Variants in RTRAF observed in about 807,000 individuals in gnomAD.
The protein encoded by RTRAF is tRNA-splicing ligase complex subunit RTRAF.
In RTRAF, 14 loss-of-function variants were observed where a neutral mutation model predicts 34.4. That is an observed-to-expected ratio of 0.41 (90% CI 0.27 to 0.64). RTRAF has a LOEUF of 0.64. RTRAF is among the 30% of genes least tolerant of loss of function. RTRAF has a pLI of 0.34. For synonymous variants in RTRAF, 96 were observed against 95.3 expected, an observed-to-expected ratio of 1.01 and a Z score of -0.04; for missense variants, 291 against 288.4, an observed-to-expected ratio of 1.01 and a Z score of -0.06.
At chr14:51,992,169 T>G (rs1170574695) in intron 2 of RTRAF, among the ~76,000 whole-genome samples, 1 of 152,208 alleles carries the variant, frequency 6.6e-6, no homozygotes, top group East Asian at 1.9e-4. Flanking sequence ...ATTGATTTAG[T>G]TTTAGTAACA....
rs1890919354 is a variant in RTRAF, at chr14:52,009,325, G to C, written c.*4809G>C. 1 of 152,166 alleles carries C rather than the reference G, an allele frequency of 6.6e-6. No individual in the cohort carries two copies. The highest frequency in any genetic ancestry group is 2.4e-5 in the African/African-American group (1 of 41,436). 9.4% of individuals were successfully genotyped at this position (152,166 alleles called of 1,614,324 possible). On this transcript the variant is annotated 3_prime_UTR_variant, in exon 8 of 8. Transcript: ENST00000261700. Reference sequence around the variant, plus strand: ...ATCAACAACAATAAGTCTGAAACAAGCTCACACAGATATTTGGTGTAAATT... The same window carrying C: ...ATCAACAACAATAAGTCTGAAACAACCTCACACAGATATTTGGTGTAAATT...
At chr14:51,997,508 C>A (rs539035325) in intron 3 of RTRAF, among the ~76,000 whole-genome samples, 1 of 151,686 alleles carries the variant, frequency 6.6e-6, no homozygotes, top group South Asian at 2.1e-4. Flanking sequence ...TTATTTTTTC[C>A]TCGTTTCATT....
intron 4 of RTRAF, 53 bp downstream of exon 4, chr14:51,998,633 G>T: frequency 1.6e-6 from 2 of 1,231,598 alleles, no homozygotes; most frequent in Non-Finnish European, 1.1e-6. Context: ...TTTTTTAAAT[G>T]TTTTTTTCTT....
chr14:52,005,515 G>T lies in RTRAF; in HGVS notation c.*999G>T, dbSNP rs780806229. 6.3e-7 allele frequency: 1 copy of T among 1,594,122 alleles called. No homozygotes were observed. Among genetic ancestry groups the T allele is most frequent in the Non-Finnish European group, 8.5e-7 (1 of 1,172,668 alleles). On this transcript the variant is annotated 3_prime_UTR_variant, in exon 8 of 8. Transcript: ENST00000261700. ...TTTCTTCCTGTGAGAGAAGAGCAGG[G>T]GTGGGACAGGGTGGTGGGTGAGTAT...
At chr14:51,990,580 C>G (rs1412609253) in intron 1 of RTRAF, among the ~76,000 whole-genome samples, 1 of 152,168 alleles carries the variant, frequency 6.6e-6, no homozygotes, top group Non-Finnish European at 1.5e-5. Flanking sequence ...AGAAGCATAT[C>G]AAATTATAAT....
rs1190114329 is a variant in RTRAF at position 52,005,946 on chromosome 14, C to G, written c.*1430C>G. 3.5e-6 allele frequency: 3 copies of G among 861,626 alleles called. No individual in the cohort carries two copies. The highest frequency in any genetic ancestry group is 5.8e-6 in the Non-Finnish European group (3 of 519,626). The allele number at this position is 861,626 out of a possible 1,614,324, so 53.4% of individuals were successfully genotyped here. A position where few individuals can be genotyped will look rare whatever the true frequency, so the allele number is the denominator to read the frequency against. ...AATCAGTTGCAATAGAGGAAAATTTCTGGCAGCCTTCTCTGTCCCAGGGCT... is the reference window on the plus strand; with the variant it reads ...AATCAGTTGCAATAGAGGAAAATTTGTGGCAGCCTTCTCTGTCCCAGGGCT... On this transcript the variant is annotated 3_prime_UTR_variant, in exon 8 of 8. Transcript: ENST00000261700.
Position 52,006,531 on chromosome 14 carries a change from G to C in RTRAF, c.*2015G>C. 6.2e-7 allele frequency: 1 copy of C among 1,613,354 alleles called. No homozygotes were observed. The highest frequency in any genetic ancestry group is 2.2e-5 in the East Asian group (1 of 44,854). ...TTCAGGCTTGTCCAGAATTTGTGGGGCTCACCTCCTCCAGTCTGTGTGGTA... is the reference window on the plus strand; with the variant it reads ...TTCAGGCTTGTCCAGAATTTGTGGGCCTCACCTCCTCCAGTCTGTGTGGTA... On this transcript the variant is annotated 3_prime_UTR_variant, in exon 8 of 8. Transcript: ENST00000261700.
rs140379779 is a variant in RTRAF at position 52,006,615 on chromosome 14, C to A, written c.*2099C>A. On this transcript the variant is annotated 3_prime_UTR_variant, in exon 8 of 8. Transcript: ENST00000261700. Reference sequence around the variant, plus strand: ...GTACTTGAGGTTGTTTTGAATGACACGCCGTCCAGTTCCATCAGGTAGTGT... The same window carrying A: ...GTACTTGAGGTTGTTTTGAATGACAAGCCGTCCAGTTCCATCAGGTAGTGT... The A allele has an allele frequency of 1.3e-5, 21 of 1,613,730 alleles. No homozygotes were observed. Among genetic ancestry groups the A allele is most frequent in the African/African-American group, 5.3e-5 (4 of 74,908 alleles).
intron 4 of RTRAF, among the ~76,000 whole-genome samples, chr14:51,998,817 G>T (rs1012627571): frequency 3.3e-5 from 5 of 151,730 alleles, no homozygotes; most frequent in African/African-American, 9.7e-5. Flanking sequence ...TTGGAGTTTT[G>T]ATTTGTATTT....
At chr14:51,989,727 C>T in intron 1 of RTRAF, 27 bp downstream of exon 1, 1 of 1,583,310 alleles carries the variant, frequency 6.3e-7, no homozygotes, top group Non-Finnish European at 8.6e-7. Flanking sequence ...AGCCCGGCCG[C>T]GTGTCCCTGA....
rs1453709326 is a variant in RTRAF, at chr14:52,005,287, T to C, written c.*771T>C. On this transcript the variant is annotated 3_prime_UTR_variant, in exon 8 of 8. Transcript: ENST00000261700. Reference sequence around the variant, plus strand: ...CTTTTTAAACTTGCAATAACAACCTTCATTTTTAAAAATACAGTAGTAAAG... The same window carrying C: ...CTTTTTAAACTTGCAATAACAACCTCCATTTTTAAAAATACAGTAGTAAAG... 2.4e-6 allele frequency: 1 copy of C among 421,644 alleles called. No homozygotes were observed. The highest frequency in any genetic ancestry group is 2.0e-5 in the African/African-American group (1 of 48,922). 26.1% of individuals were successfully genotyped at this position (421,644 alleles called of 1,614,324 possible). A position where few individuals can be genotyped will look rare whatever the true frequency, so the allele number is the denominator to read the frequency against.
intron 2 of RTRAF, 138 bp downstream of exon 2, chr14:51,991,579 C>CT (rs2140326314): frequency 1.9e-6 from 2 of 1,064,624 alleles, no homozygotes; most frequent in South Asian, 3.2e-5. Context: ...AGGGATTTTG[C>CT]TTTTTTCTTA....
rs1890729266 is a variant in RTRAF at position 52,005,418 on chromosome 14, T to TGC, written c.*903_*904dup. On this transcript the variant is annotated 3_prime_UTR_variant, in exon 8 of 8. Coordinates refer to ENST00000261700, the MANE Select transcript of RTRAF (RefSeq NM_016039.3). ...ATTCCTTTTTTACTTTCTTTGCCTT[T>TGC]GCAGTCACTGTTCTTTAGGGTCCAG... 3 of 1,436,616 alleles carry TGC rather than the reference T, an allele frequency of 2.1e-6. No individual in the cohort carries two copies. The highest frequency in any genetic ancestry group is 2.8e-6 in the Non-Finnish European group (3 of 1,073,794). The allele number at this position is 1,436,616 out of a possible 1,614,324, so 89.0% of individuals were successfully genotyped here. A position where few individuals can be genotyped will look rare whatever the true frequency, so the allele number is the denominator to read the frequency against.
chr14:52,006,823 C>T lies in RTRAF; in HGVS notation c.*2307C>T. The T allele has an allele frequency of 3.3e-6, 2 of 603,116 alleles. No homozygotes were observed. Among genetic ancestry groups the T allele is most frequent in the Non-Finnish European group, 5.4e-6 (2 of 367,156 alleles). 37.4% of individuals were successfully genotyped at this position (603,116 alleles called of 1,614,324 possible). The stretch of plus-strand genomic sequence containing the variant: ...AAATTACCTGTCCTATTACTAGTCT[C>T]CAGTTTTTAGTAGAGATTCAAACTT... On this transcript the variant is annotated 3_prime_UTR_variant, in exon 8 of 8. Transcript: ENST00000261700.
At chr14:52,004,339 AGT>A (rs752856185) in intron 7 of RTRAF, 21 bp from the exon 8 acceptor site, 2 of 1,611,944 alleles carry the variant, frequency 1.2e-6, no homozygotes, top group Admixed American at 1.7e-5. Flanking sequence ...GTATTGAAGC[AGT>A]GTTCTTTTCT....
intron 6 of RTRAF, among the ~76,000 whole-genome samples, chr14:52,003,496 T>G (rs1427569482): frequency 2.6e-5 from 4 of 152,178 alleles, no homozygotes; most frequent in African/African-American, 9.7e-5. Flanking sequence ...ATTGAAAGAT[T>G]GAAAGTACGG....
intron 6 of RTRAF, among the ~76,000 whole-genome samples, chr14:52,002,575 CT>C (rs1324732030): frequency 1.3e-5 from 2 of 152,190 alleles, no homozygotes; most frequent in Non-Finnish European, 2.9e-5. Context: ...CTACCTTCCC[CT>C]TAAAGAGAAA....
Position 51,989,679 on chromosome 14 carries a change from C to T in RTRAF, c.40C>T (p.Pro14Ser), listed in dbSNP as rs781278608. 1 of 1,605,496 alleles carries T rather than the reference C, an allele frequency of 6.2e-7. No individual in the cohort carries two copies. The highest frequency in any genetic ancestry group is 1.1e-5 in the South Asian group (1 of 89,518). ...GTTGACGGCTCTCGACTACCACAAC[C>T]CCGCCGGCTTCAACTGCAAAGGTGA... ...RKLTALDYHN[P>S]AGFNCKDETE... Residue 14 changes from proline to serine, a missense_variant, in exon 1 of 8, where the codon CCC becomes TCC. By Grantham distance (74) the Pro-to-Ser change is moderately conservative (BLOSUM62 -1). Transcript: ENST00000261700.
At chr14:51,996,362 A>G (rs557183363) in intron 3 of RTRAF, among the ~76,000 whole-genome samples, 1 of 152,090 alleles carries the variant, frequency 6.6e-6, no homozygotes, top group East Asian at 1.9e-4. Context: ...TTTTACATTG[A>G]TATGTTGCCT....
Sources: allele counts gnomAD v4.1 joint callset (sites outside exome capture counted in the v4.1 genomes callset), GRCh38; gene constraint gnomAD v4.1.1; transcripts MANE v1.5; gene names NCBI Gene and HGNC (gene_info 2026-07-23, HGNC 2026-07-21).